ZNF526: variants seen among roughly 807,000 people sequenced by gnomAD.
The protein encoded by ZNF526 is zinc finger protein 526.
In ZNF526, 16 loss-of-function variants were observed where a neutral mutation model predicts 32.4. That is an observed-to-expected ratio of 0.49 (90% confidence interval 0.33 to 0.75). ZNF526 has a LOEUF of 0.75. Among genes scored for constraint, ZNF526 ranks in the 30% least tolerant of loss-of-function variants. The pLI, the probability that ZNF526 is intolerant of heterozygous loss-of-function variation, is 0.02. For missense variants in ZNF526, 838 were observed against 920.7 expected (o/e 0.91, Z 1.16); for synonymous variants, 355 against 363.4 (o/e 0.98, Z 0.26).
In ZNF526 at chr19:42,225,467, G is replaced by T. The variant is rs199767292; in HGVS notation, c.1064G>T (p.Arg355Leu). The T allele has an allele frequency of 1.2e-6, 2 of 1,614,088 alleles. No individual in the cohort carries two copies. The highest frequency in any genetic ancestry group is 1.7e-6 in the Non-Finnish European group (2 of 1,180,042). The change falls in exon 3 of 3, where the codon CGC becomes CTC. Residue 355 changes from arginine to leucine, a missense_variant. By Grantham distance (102) the Arg-to-Leu change is moderately radical. Coordinates refer to ENST00000301215, the MANE Select transcript of ZNF526 (RefSeq NM_133444.3). The stretch of plus-strand genomic sequence containing the variant: ...CTTGAGCAGCACTTGCGGCTGCATC[G>T]CGGGGAAGCCCGCTACCTCTGTGTA... ...ASLEQHLRLH[R>L]GEARYLCVDC...
rs1228837638 is a variant in ZNF526, at chr19:42,227,003, A to G, written c.*587A>G. 3 of 199,556 alleles carry G rather than the reference A, an allele frequency of 1.5e-5. No individual in the cohort carries two copies. Among genetic ancestry groups the G allele is most frequent in the Non-Finnish European group, 2.3e-5 (2 of 86,164 alleles). The allele number at this position is 199,556 out of a possible 1,614,324, so 12.4% of individuals were successfully genotyped here. A position where few individuals can be genotyped will look rare whatever the true frequency, so the allele number is the denominator to read the frequency against. The stretch of plus-strand genomic sequence containing the variant: ...AGCACAGGCTCTGCCCACAGGAGGC[A>G]TGCACAATCTGGTAGGAGAAACGCA... On this transcript the variant is annotated 3_prime_UTR_variant, in exon 3 of 3. Coordinates refer to ENST00000301215, the MANE Select transcript of ZNF526 (RefSeq NM_133444.3).
rs768714282 is a variant in ZNF526, at chr19:42,226,328, C to T, written c.1925C>T (p.Ala642Val). Residue 642 changes from alanine (A) to valine (V), a missense_variant, in exon 3 of 3, where the codon GCG becomes GTG. By Grantham distance (64) the Ala-to-Val change is moderately conservative (BLOSUM62 0). Coordinates refer to ENST00000301215, the MANE Select transcript of ZNF526 (RefSeq NM_133444.3). Reference sequence around the variant, plus strand: ...ATCATTGAGACATCCCAGCCACTGGCGCTTGAGGACACCCTGCAGCTGTGC... The same window carrying T: ...ATCATTGAGACATCCCAGCCACTGGTGCTTGAGGACACCCTGCAGCTGTGC... ...IAIIETSQPL[A>V]LEDTLQLCQA... is the part of the protein sequence containing the mutation. 20 of 1,614,108 alleles carry T rather than the reference C, an allele frequency of 1.2e-5. No homozygotes were observed. Among genetic ancestry groups the T allele is most frequent in the South Asian group, 9.9e-5 (9 of 91,094 alleles).
At position 42,225,228 on chromosome 19, in the gene ZNF526, C is replaced by T. The variant is rs138082392; in HGVS notation, c.825C>T (p.Cys275=). ...DESTAGWAQG[C]GDCPQHQPSA... The stretch of plus-strand genomic sequence containing the variant: ...CCACAGCTGGCTGGGCTCAGGGCTG[C>T]GGGGACTGTCCCCAGCACCAGCCCT... Residue 275 remains cysteine (C), a synonymous_variant, in exon 3 of 3, where the codon TGC becomes TGT. Coordinates refer to ENST00000301215, the MANE Select transcript of ZNF526 (RefSeq NM_133444.3). The T allele has an allele frequency of 2.8e-4, 449 of 1,613,994 alleles. No homozygotes were observed. Among genetic ancestry groups the T allele is most frequent in the Non-Finnish European group, 3.7e-4 (436 of 1,179,976 alleles).
rs190334197 is a variant in ZNF526 at position 42,220,766 on chromosome 19, G to C, written c.-109+379G>C. ...TCCCTAAGTAGTTCACAATTCAAGA[G>C]TGGGAGAAAGAATCGTAGACGAGGA... On this transcript the variant is annotated intron_variant, in intron 1 of 2. Transcript: ENST00000301215. 13 of 152,340 alleles carry C rather than the reference G, an allele frequency of 8.5e-5. No individual in the cohort carries two copies. The East Asian group carries it at 2.5e-3, about 29-fold the overall frequency. The allele number at this position is 152,340 out of a possible 1,614,324, so 9.4% of individuals were successfully genotyped here.
chr19:42,226,480 G>A lies in ZNF526; in HGVS notation c.*64G>A, dbSNP rs912788628. ...CAGCCAGTGTGGGTACCTCTGGGGA[G>A]AGAGGACCTCCTCTGACAAACTGGT... On this transcript the variant is annotated 3_prime_UTR_variant, in exon 3 of 3. Transcript: ENST00000301215. 29 of 1,609,100 alleles carry A rather than the reference G, an allele frequency of 1.8e-5. No homozygotes were observed. In the African/African-American group the frequency reaches 3.6e-4, roughly 20 times the overall value.
At chr19:42,221,981 C>T (rs895357806) in intron 1 of ZNF526, among the ~76,000 whole-genome samples, 1 of 152,014 alleles carries the variant, frequency 6.6e-6, no homozygotes, top group African/African-American at 2.4e-5. Flanking sequence ...ATTTCTCAGT[C>T]ACTAAATATG....
In ZNF526 at chr19:42,226,591, A is replaced by G; in HGVS notation, c.*175A>G. The G allele has an allele frequency of 1.2e-6, 1 of 817,346 alleles. No homozygotes were observed. The highest frequency in any genetic ancestry group is 2.1e-6 in the Non-Finnish European group (1 of 486,474). The allele number at this position is 817,346 out of a possible 1,614,324, so 50.6% of individuals were successfully genotyped here. A position where few individuals can be genotyped will look rare whatever the true frequency, so the allele number is the denominator to read the frequency against. On this transcript the variant is annotated 3_prime_UTR_variant, in exon 3 of 3. Coordinates refer to ENST00000301215, the MANE Select transcript of ZNF526 (RefSeq NM_133444.3). ...ACAACCCTTCCAGGCTTCTCTTGTC[A>G]TCTTTCTCTGCCTGAGGGGAAACTG...
chr19:42,225,932 C>T lies in ZNF526; in HGVS notation c.1529C>T (p.Ala510Val). ...FQCHSCGKTF[A>V]SLANLSRHQL... ...TGCCACTCATGTGGCAAGACCTTTG[C>T]TTCTTTGGCCAACCTCAGCCGCCAC... The change falls in exon 3 of 3, where the codon GCT (alanine) becomes GTT (valine). Residue 510 changes from alanine (A) to valine (V), a missense_variant. Ala to Val is a moderately conservative substitution (Grantham distance 64, BLOSUM62 0). Coordinates refer to ENST00000301215, the MANE Select transcript of ZNF526 (RefSeq NM_133444.3). The T allele has an allele frequency of 1.2e-6, 2 of 1,614,186 alleles. No homozygotes were observed. Among genetic ancestry groups the T allele is most frequent in the South Asian group, 1.1e-5 (1 of 91,090 alleles).
chr19:42,227,410 T>C lies in ZNF526; in HGVS notation c.*994T>C, dbSNP rs1244544210. The C allele has an allele frequency of 6.0e-6, 1 of 167,142 alleles. No individual in the cohort carries two copies. The highest frequency in any genetic ancestry group is 1.9e-4 in the East Asian group (1 of 5,202). 10.4% of individuals were successfully genotyped at this position (167,142 alleles called of 1,614,324 possible). A position where few individuals can be genotyped will look rare whatever the true frequency, so the allele number is the denominator to read the frequency against. On this transcript the variant is annotated 3_prime_UTR_variant, in exon 3 of 3. Coordinates refer to ENST00000301215, the MANE Select transcript of ZNF526 (RefSeq NM_133444.3). ...ACCACACTTACCACTGTATGTGTAC[T>C]ATGATCCCAACAGGCTTGTGACATA...
chr19:42,221,073 A>G (rs1299048245), intron 1 of ZNF526, among the ~76,000 whole-genome samples: 1 of 152,196 alleles, frequency 6.6e-6, no homozygotes, highest in East Asian at 1.9e-4. Flanking sequence ...TTTAGTGAAT[A>G]ATTTACTCAA....
At chr19:42,222,808 G>A (rs2036136056) in intron 1 of ZNF526, among the ~76,000 whole-genome samples, 1 of 152,230 alleles carries the variant, frequency 6.6e-6, no homozygotes, top group African/African-American at 2.4e-5. Context: ...AGATGTCAGA[G>A]AAGGCTTCAC....
In ZNF526 at chr19:42,225,634, G is replaced by A. The variant is rs370257568; in HGVS notation, c.1231G>A (p.Gly411Ser). The change falls in exon 3 of 3, where the codon GGC (glycine) becomes AGC (serine). Residue 411 changes from glycine to serine, a missense_variant. Transcript: ENST00000301215. ...KFLYHRRTHAGKSGAPPTGAT... is the reference protein window; with the variant it reads ...KFLYHRRTHASKSGAPPTGAT... ...CCTCTACCACCGGCGCACTCACGCC[G>A]GCAAAAGCGGGGCACCTCCCACAGG... is the stretch of plus-strand genomic sequence containing the variant. 50 of 1,612,214 alleles carry A rather than the reference G, an allele frequency of 3.1e-5. No homozygotes were observed. Among genetic ancestry groups the A allele is most frequent in the East Asian group, 2.9e-4 (13 of 44,850 alleles).
In ZNF526 at chr19:42,224,868, G is replaced by C. The variant is rs2036157753; in HGVS notation, c.465G>C (p.Trp155Cys). The C allele has an allele frequency of 1.9e-6, 3 of 1,613,878 alleles. No individual in the cohort carries two copies. The highest frequency in any genetic ancestry group is 2.5e-6 in the Non-Finnish European group (3 of 1,180,010). ...AGCTGTTCCCCTCGCCCGAGCTGTGGGTGGCTCATCGAAAGGCCCAGCACC... is the reference window on the plus strand; with the variant it reads ...AGCTGTTCCCCTCGCCCGAGCTGTGCGTGGCTCATCGAAAGGCCCAGCACC... ...CQELFPSPEL[W>C]VAHRKAQHLS... The change falls in exon 3 of 3, where the codon TGG (tryptophan) becomes TGC (cysteine). Residue 155 changes from tryptophan (W) to cysteine (C), a missense_variant. Transcript: ENST00000301215.
chr19:42,223,974 AATAT>A lies in ZNF526; in HGVS notation c.-108-215_-108-212del, dbSNP rs35211089. ...CATGGTGAAACCTTGTCTCTACTAA[AATAT>A]ATATATATATATATATATATATATA... On this transcript the variant is annotated intron_variant, in intron 1 of 2. Coordinates refer to ENST00000301215, the MANE Select transcript of ZNF526 (RefSeq NM_133444.3). Among the ~76,000 whole-genome samples, 127 of 110,584 alleles carry A rather than the reference AATAT, an allele frequency of 1.1e-3. 5 individuals are homozygous for A. The highest frequency in any genetic ancestry group is 4.9e-3 in the Middle Eastern group (1 of 206). 72.5% of individuals were successfully genotyped at this position (110,584 alleles called of 152,430 possible).
In ZNF526 at chr19:42,226,252, C is replaced by A. The variant is rs530855223; in HGVS notation, c.1849C>A (p.Pro617Thr). 7 of 1,613,700 alleles carry A rather than the reference C, an allele frequency of 4.3e-6. No individual in the cohort carries two copies. ...RSPSPAPPPP[P>T]EPQQTIMCTE... is the part of the protein sequence containing the mutation. ...ACCATCTCCTGCCCCACCCCCACCT[C>A]CAGAGCCTCAACAGACTATCATGTG... The change falls in exon 3 of 3, where the codon CCA becomes ACA. Residue 617 changes from proline (P) to threonine (T), a missense_variant. Coordinates refer to ENST00000301215, the MANE Select transcript of ZNF526 (RefSeq NM_133444.3).
In ZNF526 at chr19:42,226,068, C is replaced by T; in HGVS notation, c.1665C>T (p.Ala555=). Residue 555 remains alanine (A), a synonymous_variant, in exon 3 of 3, where the codon GCC becomes GCT. Transcript: ENST00000301215. The stretch of plus-strand genomic sequence containing the variant: ...GGCGGTTGCACTTGCGGCCAGTCGC[C>T]TTTGCCCGCGCCCCCCGCCTCCCCA... The part of the protein sequence containing the change: ...QHRRLHLRPV[A]FARAPRLPIT... The T allele has an allele frequency of 1.2e-6, 2 of 1,608,510 alleles. No homozygotes were observed. Among genetic ancestry groups the T allele is most frequent in the Non-Finnish European group, 1.7e-6 (2 of 1,180,018 alleles).
At chr19:42,223,908 T>TGGA (rs977684789) in intron 1 of ZNF526, among the ~76,000 whole-genome samples, 1 of 127,272 alleles carries the variant, frequency 7.9e-6, no homozygotes, top group African/African-American at 3.0e-5. Flanking sequence ...CCAAGGCGGG[T>TGGA]GGATCACCTG....
Position 42,224,457 on chromosome 19 carries a change from G to A in ZNF526, c.54G>A (p.Gly18=). 1 of 1,614,194 alleles carries A rather than the reference G, an allele frequency of 6.2e-7. No individual in the cohort carries two copies. Among genetic ancestry groups the A allele is most frequent in the Middle Eastern group, 1.6e-4 (1 of 6,062 alleles). The change falls in exon 3 of 3, where the codon GGG becomes GGA. Residue 18 remains glycine, a synonymous_variant. Transcript: ENST00000301215. ...AGATGCCAACACAGATGTCACCAGG[G>A]GCAGTGGAGATGTCAACACCTATGT... The part of the protein sequence containing the change: ...VAEMPTQMSP[G]AVEMSTPMSA...
rs772605156 is a variant in ZNF526 at position 42,224,707 on chromosome 19, C to A, written c.304C>A (p.Pro102Thr). 3 of 1,614,144 alleles carry A rather than the reference C, an allele frequency of 1.9e-6. No homozygotes were observed. The South Asian group carries it at 3.3e-5, about 18-fold the overall frequency. ...TGTTGGCCTGGAGCCGGAGCTGGTGCCGGGTGCTGAGGGGCCCTTCCAGTG... is the reference window on the plus strand; with the variant it reads ...TGTTGGCCTGGAGCCGGAGCTGGTGACGGGTGCTGAGGGGCCCTTCCAGTG... ...QNVGLEPELV[P>T]GAEGPFQCGE... The change falls in exon 3 of 3, where the codon CCG (proline) becomes ACG (threonine). Residue 102 changes from proline (P) to threonine (T), a missense_variant. Physicochemically the swap from Pro to Thr is conservative, Grantham distance 38 (BLOSUM62 -1). Transcript: ENST00000301215.
Sources: allele counts gnomAD v4.1 joint callset (sites outside exome capture counted in the v4.1 genomes callset), GRCh38; gene constraint gnomAD v4.1.1; transcripts MANE v1.5; gene names NCBI Gene and HGNC (gene_info 2026-07-23, HGNC 2026-07-21).